The following PTER variants were observed in gnomAD, a reference collection of about 807,000 sequenced individuals.
The protein encoded by PTER is phosphotriesterase related.
In PTER, 38 loss-of-function variants were observed where a neutral mutation model predicts 29.6. That is an observed-to-expected ratio of 1.28 (90% CI 0.99 to 1.68). The LOEUF is 1.68. Ranked by LOEUF, PTER falls within the 40% of genes most tolerant of loss-of-function variation. PTER has a pLI of 0.00. For synonymous variants in PTER, 172 were observed against 154.5 expected (o/e 1.11, Z -0.84); for missense variants, 482 against 427.8 (o/e 1.13, Z -1.12).
At chr10:16,474,041 C>A (rs185740988) in intron 1 of PTER, among the ~76,000 whole-genome samples, 1 of 152,088 alleles carries the variant, frequency 6.6e-6, no homozygotes, top group Non-Finnish European at 1.5e-5. Context: ...CACAGTGAAA[C>A]GTCATCTCTA....
At chr10:16,445,343 C>T (rs190922644) in intron 1 of PTER, among the ~76,000 whole-genome samples, 37 of 152,170 alleles carry the variant, frequency 2.4e-4, no homozygotes, top group African/African-American at 8.2e-4. Flanking sequence ...ACCTGGGAGG[C>T]GAAGGTTGCA....
chr10:16,479,655 G>A (rs1387692636), intron 1 of PTER, among the ~76,000 whole-genome samples: 2 of 152,076 alleles, frequency 1.3e-5, no homozygotes, highest in African/African-American at 2.4e-5. Flanking sequence ...CCATTTATTT[G>A]GAGGATACTT....
intron 1 of PTER, among the ~76,000 whole-genome samples, chr10:16,445,307 G>A (rs551490874): frequency 6.6e-6 from 1 of 152,294 alleles, no homozygotes; most frequent in East Asian, 1.9e-4. Context: ...AGCTACTCAG[G>A]AGGCTGAGGC....
chr10:16,495,301 GC>G (rs1304473184), intron 3 of PTER, among the ~76,000 whole-genome samples: 2 of 151,490 alleles, frequency 1.3e-5, no homozygotes, highest in Non-Finnish European at 2.9e-5. Context: ...CTCCTAAGTA[GC>G]TGAGATTACA....
chr10:16,474,022 C>T (rs535971803), intron 1 of PTER, among the ~76,000 whole-genome samples: 33 of 152,164 alleles, frequency 2.2e-4, no homozygotes, highest in Non-Finnish European at 4.3e-4. Flanking sequence ...TCGAGACCAG[C>T]CTGGCCAACA....
Position 16,484,728 on chromosome 10 carries a change from A to G in PTER, c.344A>G (p.Glu115Gly), listed in dbSNP as rs1315880508. 24 of 1,613,982 alleles carry G rather than the reference A, an allele frequency of 1.5e-5. No homozygotes were observed. The highest frequency in any genetic ancestry group is 2.0e-5 in the Non-Finnish European group (24 of 1,180,014). ...ACACAGACGTTGAAGAGGCTTGCAGAAGAGACTGGCGTCCATATCATATCT... is the reference window on the plus strand; with the variant it reads ...ACACAGACGTTGAAGAGGCTTGCAGGAGAGACTGGCGTCCATATCATATCT... ...RDTQTLKRLAEETGVHIISGA... is the reference protein window; with the variant it reads ...RDTQTLKRLAGETGVHIISGA... The change falls in exon 2 of 5, where the codon GAA becomes GGA. Residue 115 changes from glutamate (E) to glycine (G), a missense_variant. Coordinates refer to ENST00000535784, the MANE Select transcript of PTER (RefSeq NM_001261836.2).
At chr10:16,498,116 T>A (rs144005247) in intron 3 of PTER, among the ~76,000 whole-genome samples, 1 of 152,332 alleles carries the variant, frequency 6.6e-6, no homozygotes, top group African/African-American at 2.4e-5. Context: ...GTTTTGTAAA[T>A]GACATTGCAA....
chr10:16,487,560 G>A (rs750653424), intron 3 of PTER, among the ~76,000 whole-genome samples: 2 of 152,096 alleles, frequency 1.3e-5, no homozygotes, highest in East Asian at 1.9e-4. Flanking sequence ...CACTTTCAGA[G>A]GTTCCAAGAG....
intron 1 of PTER, among the ~76,000 whole-genome samples, chr10:16,455,802 A>G (rs78130489): frequency 2.0e-5 from 3 of 152,356 alleles, no homozygotes; most frequent in Non-Finnish European, 4.4e-5. Context: ...GAAGTGAAAA[A>G]TAATTTCAAA....
At chr10:16,518,875 T>C in the PTER span, among the ~76,000 whole-genome samples, 10 of 152,246 alleles carry the variant, frequency 6.6e-5, no homozygotes, top group African/African-American at 2.4e-4. Flanking sequence ...TTTGTGAGGG[T>C]GATTCAATAG....
chr10:16,514,712 G>A (rs759772609), downstream of PTER: 34 of 1,600,520 alleles, frequency 2.1e-5, no homozygotes, highest in Middle Eastern at 1.7e-4. Flanking sequence ...ACGCACCTAT[G>A]TGAAACAGAC....
At chr10:16,507,651 A>G (rs559827054) in intron 4 of PTER, among the ~76,000 whole-genome samples, 126 of 152,308 alleles carry the variant, frequency 8.3e-4, no homozygotes, top group African/African-American at 2.9e-3. Flanking sequence ...TAATAGTACT[A>G]TGCTTCAAGT....
At chr10:16,449,628 G>A (rs1031489685) in intron 1 of PTER, among the ~76,000 whole-genome samples, 8 of 151,524 alleles carry the variant, frequency 5.3e-5, no homozygotes, top group African/African-American at 1.9e-4. Flanking sequence ...TATTCCCACT[G>A]CATTTAAATT....
At chr10:16,460,306 G>A (rs1248130400) in intron 1 of PTER, among the ~76,000 whole-genome samples, 3 of 152,108 alleles carry the variant, frequency 2.0e-5, no homozygotes, top group Non-Finnish European at 4.4e-5. Flanking sequence ...TAATTTTGAT[G>A]TTCATAGTAA....
intron 1 of PTER, among the ~76,000 whole-genome samples, chr10:16,468,645 C>T (rs919094444): frequency 6.6e-6 from 1 of 151,956 alleles, no homozygotes; most frequent in Non-Finnish European, 1.5e-5. Context: ...TGTGACTCAC[C>T]GCAACGAGCT....
intron 3 of PTER, among the ~76,000 whole-genome samples, chr10:16,491,008 T>A (rs1461500096): frequency 6.6e-6 from 1 of 152,062 alleles, no homozygotes; most frequent in Non-Finnish European, 1.5e-5. Flanking sequence ...CACACATATG[T>A]ATTTTTTTTC....
chr10:16,441,097 T>C (rs970181181), intron 1 of PTER, among the ~76,000 whole-genome samples: 2 of 152,228 alleles, frequency 1.3e-5, no homozygotes, highest in Admixed American at 1.3e-4. Flanking sequence ...GATGTTTAAT[T>C]GCATTCTGTA....
At chr10:16,455,064 A>G (rs1834346809) in intron 1 of PTER, among the ~76,000 whole-genome samples, 1 of 151,996 alleles carries the variant, frequency 6.6e-6, no homozygotes, top group Admixed American at 6.6e-5. Flanking sequence ...CCCTGTCTCT[A>G]CAAAACATAC....
chr10:16,507,219 T>TAC (rs1240638208), intron 4 of PTER, among the ~76,000 whole-genome samples: 1 of 150,160 alleles, frequency 6.7e-6, no homozygotes, highest in East Asian at 2.0e-4. Flanking sequence ...TATATATATA[T>TAC]ATGTTCAAAT....
Sources: allele counts gnomAD v4.1 joint callset (sites outside exome capture counted in the v4.1 genomes callset), GRCh38; gene constraint gnomAD v4.1.1; transcripts MANE v1.5; gene names NCBI Gene and HGNC (gene_info 2026-07-23, HGNC 2026-07-21).